Variants in ANKS1B observed in about 807,000 individuals in gnomAD.
The protein encoded by ANKS1B is ankyrin repeat and sterile alpha motif domain containing 1B.
ANKS1B carries 36 observed loss-of-function variants against 148.3 expected under a neutral mutation model. That is an observed-to-expected ratio of 0.24 (90% CI 0.19 to 0.32). The LOEUF is 0.32. Among genes scored for constraint, ANKS1B ranks in the 10% least tolerant of loss-of-function variants. The pLI, the probability that ANKS1B is intolerant of heterozygous loss-of-function variation, is 1.00. For synonymous variants in ANKS1B, 542 were observed against 560.8 expected, an observed-to-expected ratio of 0.97 and a Z score of 0.47; for missense variants, 1,157 against 1,542.6, an observed-to-expected ratio of 0.75 and a Z score of 4.19.
intron 14 of ANKS1B, among the ~76,000 whole-genome samples, chr12:99,204,025 T>G (rs1242172006): frequency 6.6e-6 from 1 of 152,094 alleles, no homozygotes; most frequent in Non-Finnish European, 1.5e-5. Context: ...CATATATTAG[T>G]GGCTTAATAA....
At chr12:99,315,153 T>C (rs1602747487) in intron 12 of ANKS1B, among the ~76,000 whole-genome samples, 1 of 151,686 alleles carries the variant, frequency 6.6e-6, no homozygotes, top group East Asian at 1.9e-4. Flanking sequence ...TGAAACAGAA[T>C]TGCTTGAACC....
At chr12:99,794,918 C>T (rs1391551444) in intron 4 of ANKS1B, among the ~76,000 whole-genome samples, 4 of 151,864 alleles carry the variant, frequency 2.6e-5, no homozygotes, top group South Asian at 4.1e-4. Context: ...ACATTGCATA[C>T]ATGTACCAAA....
intron 8 of ANKS1B, among the ~76,000 whole-genome samples, chr12:99,690,766 G>T (rs1272334488): frequency 1.3e-5 from 2 of 152,178 alleles, no homozygotes; most frequent in African/African-American, 2.4e-5. Flanking sequence ...TTTTCCAGGT[G>T]CACAGTGCAA....
At chr12:98,960,209 T>C (rs2099868888) in intron 17 of ANKS1B, among the ~76,000 whole-genome samples, 1 of 152,126 alleles carries the variant, frequency 6.6e-6, no homozygotes, top group Non-Finnish European at 1.5e-5. Context: ...AGGTCTGACC[T>C]AGCACAGTCC....
chr12:99,017,740 T>C (rs2099943394), intron 17 of ANKS1B, among the ~76,000 whole-genome samples: 1 of 152,140 alleles, frequency 6.6e-6, no homozygotes, highest in African/African-American at 2.4e-5. Flanking sequence ...CCACGTGAGT[T>C]AGCTTTATAT....
intron 8 of ANKS1B, among the ~76,000 whole-genome samples, chr12:99,681,707 T>C (rs2098618840): frequency 6.6e-6 from 1 of 152,178 alleles, no homozygotes; most frequent in Non-Finnish European, 1.5e-5. Flanking sequence ...TAGCCCCAGA[T>C]CATTCCTCTG....
chr12:99,903,095 A>G (rs1250425752), intron 1 of ANKS1B, among the ~76,000 whole-genome samples: 2 of 152,232 alleles, frequency 1.3e-5, no homozygotes, highest in African/African-American at 4.8e-5. Context: ...CTATGTAAAA[A>G]GCACAATGCC....
intron 19 of ANKS1B, among the ~76,000 whole-genome samples, chr12:98,816,326 C>T (rs1408373918): frequency 6.6e-6 from 1 of 152,172 alleles, no homozygotes; most frequent in East Asian, 1.9e-4. Flanking sequence ...GAGACAGGGT[C>T]TCACTGTCAC....
intron 12 of ANKS1B, among the ~76,000 whole-genome samples, chr12:99,271,691 T>TATATATATATATATA (rs1266274898): frequency 1.4e-5 from 2 of 144,322 alleles, no homozygotes; most frequent in Non-Finnish European, 3.0e-5. Context: ...TATATATATA[T>TATATATATATATATA]ATTTACTAAA....
intron 9 of ANKS1B, among the ~76,000 whole-genome samples, chr12:99,644,185 T>A (rs964099785): frequency 6.6e-6 from 1 of 152,220 alleles, no homozygotes; most frequent in Non-Finnish European, 1.5e-5. Flanking sequence ...CCATAGAATA[T>A]AATTCCTCTA....
chr12:99,606,319 T>C (rs1353814303), intron 9 of ANKS1B, among the ~76,000 whole-genome samples: 1 of 152,044 alleles, frequency 6.6e-6, no homozygotes, highest in Non-Finnish European at 1.5e-5. Context: ...AATGTGTTCT[T>C]TATTCATTAT....
intron 9 of ANKS1B, among the ~76,000 whole-genome samples, chr12:99,575,463 A>G (rs565289575): frequency 1.3e-5 from 2 of 152,172 alleles, no homozygotes; most frequent in Admixed American, 6.6e-5. Context: ...CATACCCAAG[A>G]CTGGGTAATT....
At chr12:99,881,757 C>A (rs1378127937) in intron 1 of ANKS1B, among the ~76,000 whole-genome samples, 3 of 152,162 alleles carry the variant, frequency 2.0e-5, no homozygotes, top group African/African-American at 7.2e-5. Flanking sequence ...AAACCACAAG[C>A]CACTGAAGGC....
chr12:99,927,692 G>C (rs531363500), intron 1 of ANKS1B, among the ~76,000 whole-genome samples: 1 of 152,078 alleles, frequency 6.6e-6, no homozygotes, highest in Non-Finnish European at 1.5e-5. Context: ...TAAGGCAGGA[G>C]GATCACTTGG....
chr12:99,402,832 C>T lies in ANKS1B; in HGVS notation c.1576-3021G>A, dbSNP rs752473379. 2.9e-4 allele frequency among the ~76,000 whole-genome samples: 42 copies of T among 145,984 alleles called. 4 individuals are homozygous for T. Among genetic ancestry groups the T allele is most frequent in the Middle Eastern group, 3.5e-3 (1 of 288 alleles). On this transcript the variant is annotated intron_variant, in intron 11 of 26. Transcript: ENST00000683438. ...TGATTTATGTTCTTTTGGGTATATA[C>T]GCAGTAATGGGATTACTGGATCGAA...
intron 9 of ANKS1B, among the ~76,000 whole-genome samples, chr12:99,639,948 G>T (rs2098284468): frequency 6.6e-6 from 1 of 152,136 alleles, no homozygotes; most frequent in Admixed American, 6.5e-5. Flanking sequence ...AAGGTGGGCG[G>T]ACTACCTGAG....
chr12:99,317,578 T>A (rs1325718241), intron 12 of ANKS1B, among the ~76,000 whole-genome samples: 8 of 152,190 alleles, frequency 5.3e-5, no homozygotes, highest in African/African-American at 1.9e-4. Flanking sequence ...GACAATGGGG[T>A]TTTCTAAATA....
At chr12:99,301,229 G>A (rs548162157) in intron 12 of ANKS1B, among the ~76,000 whole-genome samples, 1 of 152,316 alleles carries the variant, frequency 6.6e-6, no homozygotes, top group South Asian at 2.1e-4. Context: ...AGGGCAGATT[G>A]TCTTTACTCA....
At chr12:98,812,974 A>G (rs993914932) in intron 19 of ANKS1B, among the ~76,000 whole-genome samples, 21 of 152,244 alleles carry the variant, frequency 1.4e-4, no homozygotes. Context: ...TGCTGCATTC[A>G]TAATATGAAA....
Sources: gnomAD v4.1 joint callset for allele counts (sites outside exome capture counted in the v4.1 genomes callset) on GRCh38, gnomAD v4.1.1 for gene constraint, MANE v1.5 for transcripts, NCBI Gene and HGNC (gene_info 2026-07-23, HGNC 2026-07-21) for gene names.